KIF9: variants seen among roughly 807,000 people sequenced by gnomAD.
KIF9 encodes kinesin-like protein KIF9.
A neutral mutation model predicts 94.8 loss-of-function variants in KIF9; 68 were observed. The observed-to-expected ratio is 0.72, with a 90% CI of 0.59 to 0.88. The LOEUF (loss-of-function observed/expected upper bound fraction) is 0.88. Among genes scored for constraint, KIF9 ranks in the 40% least tolerant of loss-of-function variants. KIF9 has a pLI of 0.00. For synonymous variants in KIF9, 343 were observed against 362.1 expected, an observed-to-expected ratio of 0.95 and a Z score of 0.60; for missense variants, 882 against 982.5, an observed-to-expected ratio of 0.90 and a Z score of 1.37.
intron 10 of KIF9, among the ~76,000 whole-genome samples, chr3:47,253,587 T>C (rs1252308107): frequency 2.0e-5 from 3 of 152,178 alleles, no homozygotes; most frequent in Admixed American, 6.5e-5. Context: ...TTCACTCCCA[T>C]GCATTTTTTC....
chr3:47,256,841 G>A (rs370000798), intron 10 of KIF9, among the ~76,000 whole-genome samples: 108 of 152,284 alleles, frequency 7.1e-4, no homozygotes, highest in Admixed American at 2.5e-3. Context: ...CTGTGACCTT[G>A]CCCCCAACCC....
chr3:47,282,305 A>C, intron 1 of KIF9, 190 bp downstream of exon 1: 1 of 985,686 alleles, frequency 1.0e-6, no homozygotes, highest in South Asian at 4.7e-5. Flanking sequence ...AGCTCCGAAG[A>C]CCGTAAGCCG....
At chr3:47,234,276 G>A (rs1207625392) in intron 20 of KIF9, among the ~76,000 whole-genome samples, 5 of 150,464 alleles carry the variant, frequency 3.3e-5, no homozygotes, top group East Asian at 2.0e-4. Flanking sequence ...TTCTGTCGCC[G>A]AGGCTGGAGT....
At chr3:47,231,780 G>A (rs1451025573) in intron 20 of KIF9, 1 of 152,124 alleles carries the variant, frequency 6.6e-6, no homozygotes, top group Admixed American at 6.6e-5. Flanking sequence ...GGGACGTGCT[G>A]CTCTATGGGA....
chr3:47,245,869 GCATAAGCTGC>G, intron 13 of KIF9: 1 of 473,328 alleles, frequency 2.1e-6, no homozygotes, highest in Non-Finnish European at 3.8e-6. Flanking sequence ...ACACCACCTA[GCATAAGCTGC>G]TCAGACTATG....
In KIF9 at chr3:47,277,480, G is replaced by A. The variant is rs1702057227; in HGVS notation, c.-5-101C>T. Reference sequence around the variant, plus strand: ...GAAGATCAGAAAAGAGTGACGAGCAGTCCATTTTTCCCTCTCTCCCTGAAA... The same window carrying A: ...GAAGATCAGAAAAGAGTGACGAGCAATCCATTTTTCCCTCTCTCCCTGAAA... On this transcript the variant is annotated intron_variant, in intron 1 of 20. Transcript: ENST00000684063. 3 of 791,686 alleles carry A rather than the reference G, an allele frequency of 3.8e-6. No homozygotes were observed. In the South Asian group the frequency reaches 5.0e-5, roughly 13 times the overall value. The allele number at this position is 791,686 out of a possible 1,614,324, so 49.0% of individuals were successfully genotyped here.
rs76032351 is a variant in KIF9 at position 47,252,752 on chromosome 3, T to G, written c.1060-4666A>C. 1.9e-3 allele frequency among the ~76,000 whole-genome samples: 286 copies of G among 152,152 alleles called. 2 individuals are homozygous for G. Among genetic ancestry groups the G allele is most frequent in the African/African-American group, 6.6e-3 (274 of 41,508 alleles). Reference sequence around the variant, plus strand: ...TAAGAAGGCCAAGCATGTTGGCTCATGCTTGCAATCCCAGCCCTTTGGGAG... The same window carrying G: ...TAAGAAGGCCAAGCATGTTGGCTCAGGCTTGCAATCCCAGCCCTTTGGGAG... On this transcript the variant is annotated intron_variant, in intron 10 of 20. Coordinates refer to ENST00000684063, the MANE Select transcript of KIF9 (RefSeq NM_182902.4).
intron 17 of KIF9, chr3:47,239,760 G>T: frequency 7.5e-7 from 1 of 1,340,958 alleles, no homozygotes; most frequent in Non-Finnish European, 9.9e-7. Context: ...GCTCCTCTGA[G>T]AAATAAATGA....
chr3:47,253,713 C>T (rs1170849196), intron 10 of KIF9, among the ~76,000 whole-genome samples: 1 of 152,172 alleles, frequency 6.6e-6, no homozygotes, highest in African/African-American at 2.4e-5. Flanking sequence ...TAGTCTTTTT[C>T]TCACTTGAGA....
intron 20 of KIF9, among the ~76,000 whole-genome samples, chr3:47,235,237 G>A (rs905688012): frequency 1.3e-5 from 2 of 152,332 alleles, no homozygotes; most frequent in East Asian, 3.9e-4. Flanking sequence ...CTGACAGGTG[G>A]AAGCCTCAGG....
At chr3:47,279,503 A>C (rs1265437343) in intron 1 of KIF9, among the ~76,000 whole-genome samples, 1 of 152,098 alleles carries the variant, frequency 6.6e-6, no homozygotes, top group African/African-American at 2.4e-5. Flanking sequence ...AAAAAATCTA[A>C]GTAACTTTTA....
chr3:47,241,030 G>C lies in KIF9; in HGVS notation c.1710-15C>G. On this transcript the variant is annotated splice_polypyrimidine_tract_variant and intron_variant, in intron 16 of 20. Coordinates refer to ENST00000684063, the MANE Select transcript of KIF9 (RefSeq NM_182902.4). ...GGGTGTCGGGCCTTGAGATGAAAAG[G>C]TGAGACCAAAGAGGATAAATGAGGT... 2 of 1,611,816 alleles carry C rather than the reference G, an allele frequency of 1.2e-6. No homozygotes were observed. The highest frequency in any genetic ancestry group is 2.2e-5 in the South Asian group (2 of 91,024).
chr3:47,247,449 G>A lies in KIF9; in HGVS notation c.1157C>T (p.Pro386Leu), dbSNP rs766159115. The change falls in exon 12 of 21, where the codon CCC (proline) becomes CTC (leucine). Residue 386 changes from proline (P) to leucine (L), a missense_variant. Physicochemically the swap from Pro to Leu is moderately conservative, Grantham distance 98 (BLOSUM62 -3). Transcript: ENST00000684063. ...LTNRTFVTYD[P>L]MDEIQIAEIN... ...CTCAGCAATCTGGATTTCATCCATG[G>A]GGTCATAGGTCACAAAGGTGCGGTT... is the stretch of plus-strand genomic sequence containing the variant. 1.2e-6 allele frequency: 2 copies of A among 1,613,796 alleles called. No individual in the cohort carries two copies. The highest frequency in any genetic ancestry group is 1.7e-6 in the Non-Finnish European group (2 of 1,179,726).
At chr3:47,271,843 C>T (rs992526205) in intron 4 of KIF9, among the ~76,000 whole-genome samples, 17 of 152,228 alleles carry the variant, frequency 1.1e-4, no homozygotes, top group African/African-American at 3.4e-4. Context: ...ATTTGTCAGC[C>T]GGGTGTGGTG....
chr3:47,228,790 T>C, intron 20 of KIF9, 88 bp from the exon 21 acceptor site: 1 of 997,684 alleles, frequency 1.0e-6, no homozygotes, highest in Non-Finnish European at 1.6e-6. Context: ...ATTCACCCTA[T>C]CATTCCTCCT....
chr3:47,260,469 C>T (rs1286704065), intron 9 of KIF9, among the ~76,000 whole-genome samples: 1 of 152,202 alleles, frequency 6.6e-6, no homozygotes, highest in African/African-American at 2.4e-5. Flanking sequence ...ACGAGAAACA[C>T]CCACAGGTGT....
Position 47,247,370 on chromosome 3 carries a change from T to G in KIF9, c.1233+3A>C. 6.2e-7 allele frequency: 1 copy of G among 1,606,048 alleles called. No individual in the cohort carries two copies. The highest frequency in any genetic ancestry group is 8.5e-7 in the Non-Finnish European group (1 of 1,172,910). The stretch of plus-strand genomic sequence containing the variant: ...GCATAGTGGTCACAGAGGGGTTCCT[T>G]ACGTCGATCTCGTCCAGTGTCCCCT... On this transcript the variant is annotated splice_donor_region_variant and intron_variant, in intron 12 of 20. Transcript: ENST00000684063.
chr3:47,267,487 T>C (rs1701362156), intron 5 of KIF9, among the ~76,000 whole-genome samples: 1 of 152,216 alleles, frequency 6.6e-6, no homozygotes, highest in African/African-American at 2.4e-5. Flanking sequence ...TGGTATAGCT[T>C]TCTGGAAAGC....
At chr3:47,277,629 CTG>C (rs1286806539) in intron 1 of KIF9, among the ~76,000 whole-genome samples, 1 of 152,146 alleles carries the variant, frequency 6.6e-6, no homozygotes, top group Admixed American at 6.6e-5. Context: ...CCCAGAGAGA[CTG>C]AAATACAAAG....
Sources: gnomAD v4.1 joint callset for allele counts (sites outside exome capture counted in the v4.1 genomes callset) on GRCh38, gnomAD v4.1.1 for gene constraint, MANE v1.5 for transcripts, NCBI Gene and HGNC (gene_info 2026-07-23, HGNC 2026-07-21) for gene names.